The following GPD2 variants were observed in gnomAD, a reference collection of about 807,000 sequenced individuals.
GPD2 encodes glycerol-3-phosphate dehydrogenase 2.
Under a neutral mutation model 82.4 loss-of-function variants are expected in GPD2, and 54 were observed. The observed-to-expected ratio is 0.66, with a 90% CI of 0.53 to 0.82. GPD2 has a LOEUF of 0.82. GPD2 is among the 40% of genes least tolerant of loss of function. GPD2 has a pLI of 0.00. For synonymous variants in GPD2, 288 were observed against 306.1 expected, an observed-to-expected ratio of 0.94 and a Z score of 0.62; for missense variants, 748 against 896.2, an observed-to-expected ratio of 0.83 and a Z score of 2.11.
At chr2:156,500,124 A>G (rs1379535887) in intron 3 of GPD2, among the ~76,000 whole-genome samples, 1 of 152,124 alleles carries the variant, frequency 6.6e-6, no homozygotes, top group Non-Finnish European at 1.5e-5. Flanking sequence ...TACAGTTAAC[A>G]GTAGCTAAGA....
chr2:156,564,689 A>G (rs1330095774), intron 9 of GPD2, among the ~76,000 whole-genome samples: 1 of 152,114 alleles, frequency 6.6e-6, no homozygotes, highest in Non-Finnish European at 1.5e-5. Context: ...AACCTGATCC[A>G]ACCACCTTCT....
the GPD2 span, among the ~76,000 whole-genome samples, chr2:156,403,735 G>T: frequency 6.6e-6 from 1 of 151,984 alleles, no homozygotes; most frequent in African/African-American, 2.4e-5. Context: ...TTTGTGTTAG[G>T]TTAACTTGCC....
At position 156,512,365 on chromosome 2, in the gene GPD2, T is replaced by C. The variant is rs374101429; in HGVS notation, c.497+48T>C. The C allele has an allele frequency of 1.2e-4, 105 of 879,584 alleles. No homozygotes were observed. In the African/African-American group the frequency reaches 1.5e-3, roughly 13 times the overall value. The allele number at this position is 879,584 out of a possible 1,614,324, so 54.5% of individuals were successfully genotyped here. ...TATGCATTTGCTTCTCTGCGGTCAA[T>C]AGAACAACAGTTTTAATGGAAATAA... On this transcript the variant is annotated intron_variant, in intron 5 of 16. Coordinates refer to ENST00000438166, the MANE Select transcript of GPD2 (RefSeq NM_000408.5).
the GPD2 span, among the ~76,000 whole-genome samples, chr2:156,400,766 C>G: frequency 1.3e-5 from 2 of 152,206 alleles, no homozygotes; most frequent in Non-Finnish European, 2.9e-5. Context: ...ATGCTTTCGG[C>G]TGGGGGATGT....
chr2:156,478,081 C>G (rs1683576487), intron 2 of GPD2, among the ~76,000 whole-genome samples: 1 of 152,090 alleles, frequency 6.6e-6, no homozygotes, highest in African/African-American at 2.4e-5. Flanking sequence ...ACCTAGGTAA[C>G]ACTGTTTTAT....
intron 6 of GPD2, among the ~76,000 whole-genome samples, chr2:156,519,371 A>T (rs1685312083): frequency 1.3e-5 from 2 of 152,206 alleles, no homozygotes; most frequent in Admixed American, 1.3e-4. Context: ...TTTCTATGAA[A>T]TTTAATTGAG....
chr2:156,550,730 A>G lies in GPD2; in HGVS notation c.955A>G (p.Met319Val). ...GCCAAGTGCTGGTGTCCATATTGTGATGCCTGGTTATTACAGGTAATTGTC... is the reference window on the plus strand; with the variant it reads ...GCCAAGTGCTGGTGTCCATATTGTGGTGCCTGGTTATTACAGGTAATTGTC... ...CQPSAGVHIV[M>V]PGYYSPESMG... Residue 319 changes from methionine to valine, a missense_variant, in exon 8 of 17, where the codon ATG (methionine) becomes GTG (valine). Met to Val is a conservative substitution (Grantham distance 21). Transcript: ENST00000438166. The G allele has an allele frequency of 6.2e-7, 1 of 1,613,722 alleles. No individual in the cohort carries two copies. Among genetic ancestry groups the G allele is most frequent in the South Asian group, 1.1e-5 (1 of 91,076 alleles).
chr2:156,521,339 A>G (rs1685399827), intron 6 of GPD2, among the ~76,000 whole-genome samples: 3 of 152,328 alleles, frequency 2.0e-5, no homozygotes, highest in South Asian at 2.1e-4. Flanking sequence ...TCAATCAGCA[A>G]TATGGAAGGA....
the GPD2 span, among the ~76,000 whole-genome samples, chr2:156,414,935 A>G: frequency 2.4e-4 from 36 of 152,272 alleles, no homozygotes; most frequent in Non-Finnish European, 4.3e-4. Context: ...TTCAGAAATT[A>G]TATGATGAGT....
chr2:156,535,345 GAGAA>G (rs1240411248), intron 6 of GPD2, among the ~76,000 whole-genome samples: 60 of 125,390 alleles, frequency 4.8e-4, no homozygotes, highest in African/African-American at 1.6e-3. Flanking sequence ...AGAGAAGAGA[GAGAA>G]AGAAAGAAAG....
At chr2:156,496,273 G>T in intron 3 of GPD2, 58 bp downstream of exon 3, 1 of 1,229,192 alleles carries the variant, frequency 8.1e-7, no homozygotes, top group Non-Finnish European at 1.2e-6. Flanking sequence ...TGCAGGATGT[G>T]CAGGTTTGTT....
In GPD2 at chr2:156,583,193, G is replaced by A. The variant is rs796649494; in HGVS notation, c.*275G>A. ...TTTGCATCTGTTTTGTGACCTGTTA[G>A]ATGTGACACATTCTCTTTTTGTTTA... On this transcript the variant is annotated 3_prime_UTR_variant, in exon 17 of 17. Transcript: ENST00000438166. 2.4e-6 allele frequency: 1 copy of A among 409,690 alleles called. No homozygotes were observed. Among genetic ancestry groups the A allele is most frequent in the South Asian group, 2.3e-5 (1 of 44,290 alleles). 25.4% of individuals were successfully genotyped at this position (409,690 alleles called of 1,614,324 possible).
intron 1 of GPD2, among the ~76,000 whole-genome samples, chr2:156,440,312 A>G (rs1446755302): frequency 6.6e-6 from 1 of 152,238 alleles, no homozygotes; most frequent in African/African-American, 2.4e-5. Flanking sequence ...GAAATCTCTA[A>G]CAATTTTAGA....
intron 1 of GPD2, among the ~76,000 whole-genome samples, chr2:156,453,812 G>T (rs966400162): frequency 2.0e-5 from 3 of 152,176 alleles, no homozygotes; most frequent in Admixed American, 1.3e-4. Context: ...GGGAGGTGGA[G>T]GTTGCAGTGA....
At chr2:156,577,636 C>G (rs1242715964) in intron 13 of GPD2, among the ~76,000 whole-genome samples, 1 of 152,102 alleles carries the variant, frequency 6.6e-6, no homozygotes, top group Non-Finnish European at 1.5e-5. Flanking sequence ...TTCTTCAGAC[C>G]AGAATTTGGG....
the GPD2 span, among the ~76,000 whole-genome samples, chr2:156,405,084 G>C: frequency 2.0e-5 from 3 of 152,138 alleles, no homozygotes; most frequent in Non-Finnish European, 4.4e-5. Context: ...CCATTCAAGA[G>C]GTAGTTAGAA....
chr2:156,425,513 G>A, the GPD2 span, among the ~76,000 whole-genome samples: 1 of 152,196 alleles, frequency 6.6e-6, no homozygotes, highest in Non-Finnish European at 1.5e-5. Context: ...TGTTGAAGAG[G>A]AATCAGTTGT....
intron 13 of GPD2, among the ~76,000 whole-genome samples, chr2:156,574,310 AC>A (rs1192390337): frequency 6.6e-6 from 1 of 152,300 alleles, no homozygotes; most frequent in African/African-American, 2.4e-5. Flanking sequence ...TCTGAGTTAA[AC>A]AAGTAAAACC....
chr2:156,435,120 C>T (rs1320188332), upstream of GPD2, among the ~76,000 whole-genome samples: 1 of 152,080 alleles, frequency 6.6e-6, no homozygotes, highest in Non-Finnish European at 1.5e-5. Flanking sequence ...ATGCATTCCT[C>T]TGGGTCAACT....
Sources: allele counts gnomAD v4.1 joint callset (sites outside exome capture counted in the v4.1 genomes callset), GRCh38; gene constraint gnomAD v4.1.1; transcripts MANE v1.5; gene names NCBI Gene and HGNC (gene_info 2026-07-23, HGNC 2026-07-21).